Variants in UNC5C observed in about 807,000 individuals in gnomAD.
UNC5C encodes the protein unc-5 netrin receptor C.
In UNC5C, 47 loss-of-function variants were observed where a neutral mutation model predicts 99.8. The ratio of observed to expected loss-of-function variants is 0.47; its 90% CI spans 0.37 to 0.60. UNC5C has a LOEUF of 0.60. Ranked by LOEUF, UNC5C falls within the 20% of genes least tolerant of loss-of-function variation. The pLI, the probability that UNC5C is intolerant of heterozygous loss-of-function variation, is 0.00. For missense variants in UNC5C, 1,062 were observed against 1,165.9 expected, an observed-to-expected ratio of 0.91 and a Z score of 1.30; for synonymous variants, 487 against 452.2, an observed-to-expected ratio of 1.08 and a Z score of -0.98.
intron 7 of UNC5C, among the ~76,000 whole-genome samples, 196 bp downstream of exon 7, chr4:95,242,232 GC>G (rs1301940722): frequency 6.6e-6 from 1 of 152,138 alleles, no homozygotes; most frequent in Non-Finnish European, 1.5e-5. Flanking sequence ...CCATTTGTTA[GC>G]CGGACATAGT....
chr4:95,274,325 G>A (rs60035415), intron 4 of UNC5C, among the ~76,000 whole-genome samples: 4,355 of 152,152 alleles, frequency 0.029, 206 homozygotes, highest in African/African-American at 0.098. Context: ...CCTGTGACCC[G>A]GTGGCTAAAG....
intron 1 of UNC5C, among the ~76,000 whole-genome samples, chr4:95,500,148 G>A (rs1451288617): frequency 6.6e-6 from 1 of 152,070 alleles, no homozygotes; most frequent in East Asian, 1.9e-4. Flanking sequence ...CCAGTTCACA[G>A]AAGTGCTGCA....
At chr4:95,422,556 A>T (rs200432504) in intron 1 of UNC5C, among the ~76,000 whole-genome samples, 1 of 151,684 alleles carries the variant, frequency 6.6e-6, no homozygotes, top group East Asian at 1.9e-4. Context: ...CGGGGGCTGT[A>T]TTTTTTTCCA....
rs149592968 is a variant in UNC5C at position 95,231,521 on chromosome 4, C to G, written c.1108+10908G>C. 4.4e-3 allele frequency among the ~76,000 whole-genome samples: 675 copies of G among 152,288 alleles called. 5 individuals carry two copies. Among genetic ancestry groups the G allele is most frequent in the African/African-American group, 0.015 (634 of 41,546 alleles). On this transcript the variant is annotated intron_variant, in intron 7 of 15. Transcript: ENST00000453304. ...ACTTGATAAGATTGTTCCTCATTTT[C>G]TGATCCTATCCTTAGAAGAATCCCC...
chr4:95,328,064 T>TTTTTTTA (rs1742965884), intron 2 of UNC5C, among the ~76,000 whole-genome samples: 1 of 36,646 alleles, frequency 2.7e-5, no homozygotes, highest in Non-Finnish European at 5.4e-5. Flanking sequence ...TTTTTTTAAT[T>TTTTTTTA]TTTTTTTTTT....
chr4:95,480,668 G>A (rs1390549698), intron 1 of UNC5C, among the ~76,000 whole-genome samples: 1 of 152,056 alleles, frequency 6.6e-6, no homozygotes, highest in Non-Finnish European at 1.5e-5. Flanking sequence ...CCATGATCAA[G>A]TGGGCTTCAT....
intron 1 of UNC5C, among the ~76,000 whole-genome samples, chr4:95,427,651 G>A (rs1244757085): frequency 6.6e-6 from 1 of 152,070 alleles, no homozygotes; most frequent in Non-Finnish European, 1.5e-5. Flanking sequence ...TTGTTTTTCG[G>A]ATAGAATGCT....
intron 3 of UNC5C, among the ~76,000 whole-genome samples, chr4:95,287,249 T>G (rs1441583708): frequency 6.6e-6 from 1 of 152,194 alleles, no homozygotes; most frequent in Non-Finnish European, 1.5e-5. Flanking sequence ...TCAGAAGGAA[T>G]GTTAGGCCAT....
At chr4:95,371,068 C>G (rs957039142) in intron 1 of UNC5C, among the ~76,000 whole-genome samples, 1 of 152,038 alleles carries the variant, frequency 6.6e-6, no homozygotes, top group Non-Finnish European at 1.5e-5. Flanking sequence ...ATGCCAATTA[C>G]TTAGAAATTA....
chr4:95,196,357 C>T (rs1053690059), intron 12 of UNC5C, among the ~76,000 whole-genome samples: 1 of 152,170 alleles, frequency 6.6e-6, no homozygotes, highest in African/African-American at 2.4e-5. Context: ...ACTATTCTCA[C>T]AATTCTTAGC....
intron 3 of UNC5C, among the ~76,000 whole-genome samples, chr4:95,286,484 C>A (rs932320771): frequency 6.6e-6 from 1 of 152,186 alleles, no homozygotes; most frequent in Non-Finnish European, 1.5e-5. Flanking sequence ...CCATGCAGAT[C>A]TGCTTCTGCA....
At chr4:95,175,045 A>T (rs1361145388) in intron 14 of UNC5C, among the ~76,000 whole-genome samples, 1 of 151,832 alleles carries the variant, frequency 6.6e-6, no homozygotes, top group East Asian at 1.9e-4. Flanking sequence ...AGTCTGTTTT[A>T]TCAGAGACTA....
chr4:95,278,481 C>CT (rs879604007), intron 3 of UNC5C, 119 bp from the exon 4 acceptor site: 18,620 of 542,142 alleles, frequency 0.034, 3 homozygotes, highest in East Asian at 0.046. Context: ...TTTCTTTTTT[C>CT]TTTTTTTTTT....
At chr4:95,338,157 A>T (rs1337374268) in intron 1 of UNC5C, among the ~76,000 whole-genome samples, 1 of 152,046 alleles carries the variant, frequency 6.6e-6, no homozygotes, top group Non-Finnish European at 1.5e-5. Flanking sequence ...CCTTCTCCAC[A>T]TACAAAAATG....
intron 1 of UNC5C, among the ~76,000 whole-genome samples, chr4:95,356,227 A>G (rs1373161176): frequency 3.6e-5 from 5 of 137,774 alleles, no homozygotes; most frequent in South Asian, 2.4e-4. Context: ...ACAAAAAAAA[A>G]ACAGATTCCT....
At chr4:95,455,907 A>G (rs1464673742) in intron 1 of UNC5C, among the ~76,000 whole-genome samples, 1 of 152,108 alleles carries the variant, frequency 6.6e-6, no homozygotes, top group African/African-American at 2.4e-5. Flanking sequence ...TTAAATTGCA[A>G]TTTTGGTTTG....
intron 1 of UNC5C, among the ~76,000 whole-genome samples, chr4:95,514,897 C>T (rs1024273034): frequency 6.6e-6 from 1 of 151,850 alleles, no homozygotes; most frequent in South Asian, 2.1e-4. Flanking sequence ...TGGTCTTGAA[C>T]TCCTGACCTT....
At chr4:95,373,910 C>A (rs1057279786) in intron 1 of UNC5C, among the ~76,000 whole-genome samples, 6 of 152,124 alleles carry the variant, frequency 3.9e-5, no homozygotes, top group African/African-American at 1.4e-4. Context: ...ATTTTGATGA[C>A]AATCTCTAAT....
chr4:95,463,873 G>A (rs1295102790), intron 1 of UNC5C, among the ~76,000 whole-genome samples: 1 of 152,140 alleles, frequency 6.6e-6, no homozygotes, highest in Non-Finnish European at 1.5e-5. Flanking sequence ...AAAGATATGT[G>A]AACACAAAGA....
Sources: gnomAD v4.1 joint callset for allele counts (sites outside exome capture counted in the v4.1 genomes callset) on GRCh38, gnomAD v4.1.1 for gene constraint, MANE v1.5 for transcripts, NCBI Gene and HGNC (gene_info 2026-07-23, HGNC 2026-07-21) for gene names.